Variants in PIAS1 observed in about 807,000 individuals in gnomAD.
PIAS1 encodes the protein protein inhibitor of activated STAT 1.
Under a neutral mutation model 71.3 loss-of-function variants are expected in PIAS1, and 6 were observed. That is an observed-to-expected ratio of 0.08 (90% CI 0.05 to 0.17). The LOEUF is 0.17. Among genes scored for constraint, PIAS1 ranks in the 10% least tolerant of loss-of-function variants. The pLI is 1.00. For missense variants in PIAS1, 555 were observed against 793.6 expected (o/e 0.70, Z 3.61); for synonymous variants, 303 against 292.9 (o/e 1.03, Z -0.35).
chr15:68,192,958 G>C lies in PIAS1; in HGVS notation c.*5123G>C, dbSNP rs2093127050. On this transcript the variant is annotated 3_prime_UTR_variant, in exon 14 of 14. Transcript: ENST00000249636. Reference sequence around the variant, plus strand: ...GTATGGCACCTCTGAATCTCTGGCAGCACCAACCTGGCACCTTCTAGCTGT... The same window carrying C: ...GTATGGCACCTCTGAATCTCTGGCACCACCAACCTGGCACCTTCTAGCTGT... The C allele has an allele frequency of 6.6e-6, 1 of 152,250 alleles. No homozygotes were observed. 9.4% of individuals were successfully genotyped at this position (152,250 alleles called of 1,614,324 possible).
At chr15:68,091,807 T>C (rs2092334192) in intron 2 of PIAS1, among the ~76,000 whole-genome samples, 1 of 152,240 alleles carries the variant, frequency 6.6e-6, no homozygotes, top group Admixed American at 6.5e-5. Context: ...TAATTAAGTA[T>C]TGAATAGCTC....
At chr15:68,115,400 T>G (rs2092557352) in intron 2 of PIAS1, among the ~76,000 whole-genome samples, 2 of 152,150 alleles carry the variant, frequency 1.3e-5, no homozygotes, top group African/African-American at 2.4e-5. Context: ...GAAATACGAC[T>G]GGTTTTTGTA....
intron 1 of PIAS1, among the ~76,000 whole-genome samples, chr15:68,068,513 C>T (rs754146696): frequency 6.6e-5 from 10 of 152,042 alleles, no homozygotes; most frequent in South Asian, 2.1e-4. Flanking sequence ...AGTACAATGG[C>T]GCTATCTCGG....
intron 4 of PIAS1, 123 bp downstream of exon 4, chr15:68,142,460 C>T: frequency 6.8e-6 from 5 of 731,936 alleles, no homozygotes; most frequent in Non-Finnish European, 1.1e-5. Context: ...GATAATATTC[C>T]TTATCAGGAA....
chr15:68,175,608 T>A, intron 9 of PIAS1, 29 bp from the exon 10 acceptor site: 1 of 1,249,440 alleles, frequency 8.0e-7, no homozygotes, highest in Admixed American at 2.8e-5. Context: ...ATTTAAAATA[T>A]ATTCTAAGGA....
intron 2 of PIAS1, among the ~76,000 whole-genome samples, chr15:68,110,282 A>G (rs1054286039): frequency 3.9e-5 from 6 of 152,174 alleles, no homozygotes; most frequent in African/African-American, 1.4e-4. Flanking sequence ...ATTTTAATAT[A>G]TAGAAAGACA....
intron 4 of PIAS1, among the ~76,000 whole-genome samples, chr15:68,144,267 C>A (rs2092792865): frequency 6.6e-6 from 1 of 152,020 alleles, no homozygotes; most frequent in African/African-American, 2.4e-5. Context: ...GGAGTGTATG[C>A]CTATCTGCTA....
intron 2 of PIAS1, among the ~76,000 whole-genome samples, chr15:68,119,736 G>C (rs1004499213): frequency 2.0e-5 from 3 of 152,146 alleles, no homozygotes; most frequent in African/African-American, 7.2e-5. Flanking sequence ...TTCCTGTCCA[G>C]TTGTTCTATC....
intron 6 of PIAS1, among the ~76,000 whole-genome samples, chr15:68,150,842 A>G (rs910679547): frequency 1.3e-5 from 2 of 152,158 alleles, no homozygotes; most frequent in Non-Finnish European, 2.9e-5. Flanking sequence ...TGAACTGGTA[A>G]GTATAATGCA....
intron 7 of PIAS1, among the ~76,000 whole-genome samples, chr15:68,161,579 G>C (rs537336363): frequency 6.6e-6 from 1 of 150,790 alleles, no homozygotes; most frequent in Non-Finnish European, 1.5e-5. Flanking sequence ...TATATAAATC[G>C]TGTTTTATTT....
chr15:68,133,096 G>A (rs1334362194), intron 2 of PIAS1, among the ~76,000 whole-genome samples: 2 of 150,908 alleles, frequency 1.3e-5, no homozygotes, highest in Non-Finnish European at 2.9e-5. Flanking sequence ...CTTTAATGAT[G>A]TATCTTAGAG....
chr15:68,144,001 G>T (rs889137341), intron 4 of PIAS1, among the ~76,000 whole-genome samples: 2 of 151,880 alleles, frequency 1.3e-5, no homozygotes, highest in Non-Finnish European at 1.5e-5. Context: ...CTTTAAAGCA[G>T]CAACAGGTGT....
intron 1 of PIAS1, among the ~76,000 whole-genome samples, chr15:68,067,044 T>C (rs140900450): frequency 5.9e-5 from 9 of 152,344 alleles, no homozygotes; most frequent in South Asian, 2.1e-4. Flanking sequence ...GTCCCACTTA[T>C]GAGTATGCAG....
chr15:68,064,025 A>G (rs929275655), intron 1 of PIAS1, among the ~76,000 whole-genome samples: 2 of 152,240 alleles, frequency 1.3e-5, no homozygotes, highest in South Asian at 4.1e-4. Context: ...TGATGAAATG[A>G]AAAGTACCTG....
At chr15:68,149,308 A>C (rs1047418353) in intron 6 of PIAS1, among the ~76,000 whole-genome samples, 7 of 150,496 alleles carry the variant, frequency 4.7e-5, no homozygotes, top group African/African-American at 1.7e-4. Context: ...CAGGGCTGAC[A>C]TTGATTCTCC....
Position 68,185,910 on chromosome 15 carries a change from C to T in PIAS1, c.1663-1632C>T, listed in dbSNP as rs1162633317. 2.0e-5 allele frequency among the ~76,000 whole-genome samples: 3 copies of T among 151,748 alleles called. No individual in the cohort carries two copies. The highest frequency in any genetic ancestry group is 1.9e-4 in the East Asian group (1 of 5,170). On this transcript the variant is annotated intron_variant, in intron 13 of 13. Transcript: ENST00000249636. This position sits in a 1 kb window ranked among gnomAD's most constrained non-coding sequence, Gnocchi z 4.4. ...CTGGGAGGCGGAGGTTGCAGTGAGC[C>T]GAGATTGCGTGCACCACTCTACTCC...
chr15:68,142,171 T>G, intron 3 of PIAS1, 119 bp from the exon 4 acceptor site: 1 of 977,170 alleles, frequency 1.0e-6, no homozygotes, highest in Non-Finnish European at 1.6e-6. Flanking sequence ...TGTTAGTTAC[T>G]GTAAGAACAG....
At chr15:68,088,176 G>GTGTATATATATATATATATA (rs150997979) in intron 2 of PIAS1, among the ~76,000 whole-genome samples, 2,711 of 72,328 alleles carry the variant, frequency 0.037, 129 homozygotes, top group Non-Finnish European at 0.046. Context: ...TTATGTGTGT[G>GTGTATATATATATATATATA]TATATATATA....
intron 1 of PIAS1, among the ~76,000 whole-genome samples, chr15:68,058,763 A>C (rs951889101): frequency 6.6e-6 from 1 of 152,218 alleles, no homozygotes; most frequent in African/African-American, 2.4e-5. Flanking sequence ...AAAAATAAAC[A>C]GTACCTGTAA....
Sources: allele counts gnomAD v4.1 joint callset (sites outside exome capture counted in the v4.1 genomes callset), GRCh38; gene constraint gnomAD v4.1.1; non-coding constraint Gnocchi (gnomAD v3.1); transcripts MANE v1.5; gene names NCBI Gene and HGNC (gene_info 2026-07-23, HGNC 2026-07-21).